Variants in FAM118B observed in about 807,000 individuals in gnomAD.
FAM118B encodes the protein SIR2 antiphage like 1, also known as protein FAM118B.
A neutral mutation model predicts 38.5 loss-of-function variants in FAM118B; 24 were observed. The observed-to-expected ratio is 0.62, with a 90% confidence interval of 0.45 to 0.88. The LOEUF is 0.88. FAM118B is among the 40% of genes least tolerant of loss of function. FAM118B has a pLI of 0.00. For synonymous variants in FAM118B, 138 were observed against 156.3 expected, an observed-to-expected ratio of 0.88 and a Z score of 0.87; for missense variants, 334 against 420.0, an observed-to-expected ratio of 0.80 and a Z score of 1.79.
intron 2 of FAM118B, among the ~76,000 whole-genome samples, chr11:126,234,683 A>G (rs1414844173): frequency 1.3e-5 from 2 of 152,154 alleles, no homozygotes; most frequent in African/African-American, 4.8e-5. Context: ...AGTTCTACAA[A>G]GTGATGGCCA....
chr11:126,257,073 A>C (rs930155704), intron 7 of FAM118B, among the ~76,000 whole-genome samples: 3 of 152,248 alleles, frequency 2.0e-5, no homozygotes, highest in African/African-American at 7.2e-5. Flanking sequence ...AGACATAGGA[A>C]GAATGAAGAA....
chr11:126,222,035 C>T (rs1043449967), intron 1 of FAM118B, among the ~76,000 whole-genome samples: 6 of 151,984 alleles, frequency 3.9e-5, no homozygotes, highest in African/African-American at 9.7e-5. Context: ...GAGTGTGGCC[C>T]ACGGCTTGTT....
intron 1 of FAM118B, among the ~76,000 whole-genome samples, chr11:126,222,848 T>C (rs560982614): frequency 1.1e-4 from 17 of 152,186 alleles, no homozygotes; most frequent in Non-Finnish European, 2.2e-4. Context: ...GGGGATAGGA[T>C]GATAAATAAA....
At chr11:126,239,779 G>A (rs1341876182) in intron 3 of FAM118B, among the ~76,000 whole-genome samples, 1 of 152,158 alleles carries the variant, frequency 6.6e-6, no homozygotes, top group Non-Finnish European at 1.5e-5. Context: ...CCCCCAAAGT[G>A]CTGGGATTAC....
chr11:126,219,767 C>T (rs1300850653), intron 1 of FAM118B, among the ~76,000 whole-genome samples: 1 of 151,942 alleles, frequency 6.6e-6, no homozygotes, highest in African/African-American at 2.4e-5. Context: ...TTCCCCAGCA[C>T]CTCCCTACCC....
At chr11:126,223,466 C>T (rs967239096) in intron 1 of FAM118B, among the ~76,000 whole-genome samples, 2 of 151,512 alleles carry the variant, frequency 1.3e-5, no homozygotes, top group Non-Finnish European at 2.9e-5. Flanking sequence ...GGTGTGGTGG[C>T]GGGCGCCTGT....
At position 126,261,414 on chromosome 11, in the gene FAM118B, CCT is replaced by C; in HGVS notation, c.983-8_983-7del. 3 of 1,612,782 alleles carry C rather than the reference CCT, an allele frequency of 1.9e-6. No individual in the cohort carries two copies. Among genetic ancestry groups the C allele is most frequent in the Non-Finnish European group, 2.5e-6 (3 of 1,178,870 alleles). On this transcript the variant is annotated splice_polypyrimidine_tract_variant and intron_variant, in intron 7 of 8. Transcript: ENST00000533050. ...TCAGTCTAATGTCTGATGCTGATGT[CCT>C]CTATTTAGCAGGGATGGTGAGAGAA...
intron 1 of FAM118B, chr11:126,214,488 C>CTTTTTTTTTTTTTTT (rs1565322268): frequency 1.1e-4 from 4 of 34,856 alleles, no homozygotes; most frequent in Non-Finnish European, 1.8e-4. Flanking sequence ...TCTTTTGTTT[C>CTTTTTTTTTTTTTTT]TGTTTTTTTT....
Position 126,254,290 on chromosome 11 carries a change from ATG to A in FAM118B, c.568-9_568-8del, listed in dbSNP as rs1361653307. The A allele has an allele frequency of 6.2e-7, 1 of 1,612,734 alleles. No individual in the cohort carries two copies. Among genetic ancestry groups the A allele is most frequent in the Non-Finnish European group, 8.5e-7 (1 of 1,179,326 alleles). ...AGCCCTGCCAAGCTGGTTGGGCTAT[ATG>A]TGTGTTGTGCAGGTCCTCGAGTGGG... On this transcript the variant is annotated splice_polypyrimidine_tract_variant and intron_variant, in intron 5 of 8. Transcript: ENST00000533050.
chr11:126,226,987 A>G (rs1032461113), intron 1 of FAM118B, among the ~76,000 whole-genome samples: 2 of 150,158 alleles, frequency 1.3e-5, no homozygotes, highest in African/African-American at 2.4e-5. Flanking sequence ...CATTTTGTAG[A>G]CTTAAATTTA....
chr11:126,254,284 G>T, intron 5 of FAM118B, 21 bp from the exon 6 acceptor site: 2 of 1,612,110 alleles, frequency 1.2e-6, no homozygotes, highest in Non-Finnish European at 1.7e-6. Flanking sequence ...AAGCTGGTTG[G>T]GCTATATGTG....
At chr11:126,254,081 GCTTA>G (rs1260074560) in intron 5 of FAM118B, among the ~76,000 whole-genome samples, 1 of 152,180 alleles carries the variant, frequency 6.6e-6, no homozygotes, top group African/African-American at 2.4e-5. Flanking sequence ...GATTTTTGAT[GCTTA>G]CTTTCAAAGA....
intron 7 of FAM118B, 68 bp from the exon 8 acceptor site, chr11:126,261,357 G>T: frequency 7.5e-7 from 1 of 1,338,818 alleles, no homozygotes; most frequent in Non-Finnish European, 1.1e-6. Flanking sequence ...TCTCCCTTTA[G>T]TTTTCTTTTT....
At chr11:126,214,352 C>CA (rs546519863) in intron 1 of FAM118B, 15,375 of 71,346 alleles carry the variant, frequency 0.22, 1,707 homozygotes, top group East Asian at 0.68. Context: ...GACTCCATCT[C>CA]AAAAAAAAAA....
intron 1 of FAM118B, among the ~76,000 whole-genome samples, chr11:126,219,169 G>C (rs916557169): frequency 2.6e-5 from 4 of 151,942 alleles, no homozygotes; most frequent in Non-Finnish European, 5.9e-5. Flanking sequence ...AAACTCCTCT[G>C]TTGCCATTTT....
Position 126,241,001 on chromosome 11 carries a change from A to T in FAM118B, c.296A>T (p.Asn99Ile). 1 of 1,613,524 alleles carries T rather than the reference A, an allele frequency of 6.2e-7. No homozygotes were observed. Among genetic ancestry groups the T allele is most frequent in the South Asian group, 1.1e-5 (1 of 91,044 alleles). Residue 99 changes from asparagine to isoleucine, a missense_variant, in exon 4 of 9, where the codon AAC (asparagine) becomes ATC (isoleucine). Transcript: ENST00000533050. Reference sequence around the variant, plus strand: ...CAGAAATGTCTCCATGAAGACAAGAACCTGGTCCATGTTGCCCATGACCTT... The same window carrying T: ...CAGAAATGTCTCCATGAAGACAAGATCCTGGTCCATGTTGCCCATGACCTT... ...KFQKCLHEDK[N>I]LVHVAHDLIQ...
At chr11:126,248,602 C>A (rs1272554891) in intron 4 of FAM118B, among the ~76,000 whole-genome samples, 1 of 152,030 alleles carries the variant, frequency 6.6e-6, no homozygotes, top group Admixed American at 6.6e-5. Flanking sequence ...GATCTCTTGA[C>A]CTCGTGATCC....
At chr11:126,232,303 A>G (rs1022753080) in intron 2 of FAM118B, among the ~76,000 whole-genome samples, 4 of 152,180 alleles carry the variant, frequency 2.6e-5, no homozygotes, top group South Asian at 4.1e-4. Context: ...CACAGTTGCC[A>G]TGGTTTGAAT....
intron 4 of FAM118B, among the ~76,000 whole-genome samples, chr11:126,249,787 G>A (rs1950473324): frequency 1.3e-5 from 2 of 149,910 alleles, no homozygotes; most frequent in South Asian, 4.3e-4. Flanking sequence ...ACCACAATTA[G>A]GGCTGTGTCT....
Sources: gnomAD v4.1 joint callset for allele counts (sites outside exome capture counted in the v4.1 genomes callset) on GRCh38, gnomAD v4.1.1 for gene constraint, MANE v1.5 for transcripts, NCBI Gene and HGNC (gene_info 2026-07-23, HGNC 2026-07-21) for gene names.